The following RAD51B variants were observed in gnomAD, a reference collection of about 807,000 sequenced individuals.
The protein encoded by RAD51B is DNA repair protein RAD51 homolog 2.
A neutral mutation model predicts 42.2 loss-of-function variants in RAD51B; 38 were observed. The ratio of observed to expected loss-of-function variants is 0.90; its 90% confidence interval spans 0.70 to 1.18. RAD51B has a LOEUF of 1.18. Among genes scored for constraint, RAD51B ranks in the 50% most tolerant of loss-of-function variants. The pLI is 0.00. For missense variants in RAD51B, 373 were observed against 400.7 expected, an observed-to-expected ratio of 0.93 and a Z score of 0.59; for synonymous variants, 154 against 145.2, an observed-to-expected ratio of 1.06 and a Z score of -0.43.
intron 7 of RAD51B, among the ~76,000 whole-genome samples, chr14:68,155,689 A>G (rs1331789123): frequency 6.6e-6 from 1 of 152,194 alleles, no homozygotes; most frequent in Non-Finnish European, 1.5e-5. Flanking sequence ...AGATTGCGAT[A>G]GGGTAGTTAC....
At chr14:67,903,102 C>T (rs1158111753) in intron 7 of RAD51B, among the ~76,000 whole-genome samples, 1 of 152,164 alleles carries the variant, frequency 6.6e-6, no homozygotes, top group East Asian at 1.9e-4. Context: ...AAATGATCTG[C>T]CCACCTCTGC....
intron 10 of RAD51B, among the ~76,000 whole-genome samples, chr14:68,471,724 A>G (rs931891446): frequency 6.6e-6 from 1 of 151,720 alleles, no homozygotes; most frequent in Non-Finnish European, 1.5e-5. Context: ...AAAAAAGTAA[A>G]TGAAAGAACC....
chr14:68,287,700 T>C (rs2104047), intron 7 of RAD51B, among the ~76,000 whole-genome samples: 88,438 of 152,136 alleles, frequency 0.58, 29,417 homozygotes, highest in East Asian at 0.88. Context: ...ACAGCAAATA[T>C]TTGTTATTTG....
intron 10 of RAD51B, among the ~76,000 whole-genome samples, chr14:68,492,756 T>G (rs1402524527): frequency 2.0e-5 from 3 of 152,160 alleles, no homozygotes; most frequent in African/African-American, 7.2e-5. Flanking sequence ...TAGAAGTGAT[T>G]TCATGAAACT....
intron 7 of RAD51B, among the ~76,000 whole-genome samples, chr14:68,132,856 A>T (rs1172579278): frequency 3.3e-5 from 5 of 152,230 alleles, no homozygotes; most frequent in Non-Finnish European, 5.9e-5. Flanking sequence ...TCTCTAGCAC[A>T]TTTAGTGAGA....
chr14:68,242,935 A>G (rs2080422735), intron 7 of RAD51B, among the ~76,000 whole-genome samples: 2 of 152,136 alleles, frequency 1.3e-5, no homozygotes, highest in Admixed American at 6.6e-5. Context: ...AGCTCACCCT[A>G]AAGGAGCTGA....
intron 10 of RAD51B, among the ~76,000 whole-genome samples, chr14:68,581,904 G>C (rs555869431): frequency 5.3e-5 from 8 of 152,258 alleles, no homozygotes; most frequent in African/African-American, 1.9e-4. Flanking sequence ...GCAGGCAATG[G>C]GGAAAGGATT....
intron 7 of RAD51B, among the ~76,000 whole-genome samples, chr14:68,123,191 CTTTTT>C (rs541886088): frequency 8.0e-6 from 1 of 125,500 alleles, no homozygotes; most frequent in African/African-American, 3.2e-5. Context: ...TTCTTTCTTT[CTTTTT>C]TTTTTTTTTT....
chr14:68,563,391 C>A, intron 10 of RAD51B: 2 of 985,426 alleles, frequency 2.0e-6, no homozygotes, highest in Non-Finnish European at 2.4e-6. Flanking sequence ...TTTCTTTCTT[C>A]CCGCCCCCCA....
intron 9 of RAD51B, among the ~76,000 whole-genome samples, chr14:68,444,862 G>A (rs191898014): frequency 6.6e-6 from 1 of 152,288 alleles, no homozygotes; most frequent in Admixed American, 6.5e-5. Context: ...CCAAATAACA[G>A]ATCCCTCAGT....
chr14:68,160,134 G>A (rs2078607174), intron 7 of RAD51B, among the ~76,000 whole-genome samples: 1 of 152,122 alleles, frequency 6.6e-6, no homozygotes, highest in Non-Finnish European at 1.5e-5. Context: ...GCTCCCAGAT[G>A]ACGCAAATGC....
At chr14:68,679,675 C>T (rs1893385965) in intron 11 of RAD51B, among the ~76,000 whole-genome samples, 1 of 152,180 alleles carries the variant, frequency 6.6e-6, no homozygotes, top group Non-Finnish European at 1.5e-5. Flanking sequence ...TCCAGTTCAG[C>T]ATATCTGGTT....
At chr14:68,196,538 A>G (rs2079377486) in intron 7 of RAD51B, among the ~76,000 whole-genome samples, 1 of 151,930 alleles carries the variant, frequency 6.6e-6, no homozygotes, top group Non-Finnish European at 1.5e-5. Flanking sequence ...CACCTTGCCA[A>G]TTGCTATTAT....
At chr14:67,956,902 G>A (rs2074559088) in intron 7 of RAD51B, among the ~76,000 whole-genome samples, 1 of 152,248 alleles carries the variant, frequency 6.6e-6, no homozygotes, top group South Asian at 2.1e-4. Flanking sequence ...AGAAACTTCT[G>A]TTGGGTAGTG....
chr14:68,511,529 T>G (rs117301205), intron 10 of RAD51B, among the ~76,000 whole-genome samples: 7,021 of 152,310 alleles, frequency 0.046, 196 homozygotes, highest in Non-Finnish European at 0.063. Flanking sequence ...ATGGCTACCT[T>G]CCAGAACCTT....
chr14:68,150,805 C>T (rs980897634), intron 7 of RAD51B, among the ~76,000 whole-genome samples: 1 of 152,060 alleles, frequency 6.6e-6, no homozygotes, highest in African/African-American at 2.4e-5. Context: ...CACAGTCTAT[C>T]TTGAAGTGAT....
intron 9 of RAD51B, among the ~76,000 whole-genome samples, chr14:68,429,065 C>A (rs1244303577): frequency 6.6e-6 from 1 of 152,114 alleles, no homozygotes; most frequent in South Asian, 2.1e-4. Context: ...TCATCCATGT[C>A]CCTACAAAGG....
intron 7 of RAD51B, among the ~76,000 whole-genome samples, chr14:68,004,370 AT>A (rs964491126): frequency 8.9e-5 from 13 of 146,804 alleles, no homozygotes; most frequent in Admixed American, 6.1e-4. Flanking sequence ...ATATTGGTGG[AT>A]TTTTTTGTTA....
intron 7 of RAD51B, among the ~76,000 whole-genome samples, chr14:68,097,276 A>C (rs1241599247): frequency 6.6e-6 from 1 of 152,152 alleles, no homozygotes; most frequent in Non-Finnish European, 1.5e-5. Context: ...GCCTCCCTAA[A>C]GAAATTTAAC....
Sources: allele counts gnomAD v4.1 joint callset (sites outside exome capture counted in the v4.1 genomes callset), GRCh38; gene constraint gnomAD v4.1.1; transcripts MANE v1.5; gene names NCBI Gene and HGNC (gene_info 2026-07-23, HGNC 2026-07-21).